The following WWOX variants were observed in gnomAD, a reference collection of about 807,000 sequenced individuals.
The protein encoded by WWOX is WW domain-containing oxidoreductase.
Under a neutral mutation model 46.2 loss-of-function variants are expected in WWOX, and 69 were observed. The observed-to-expected ratio is 1.49, with a 90% confidence interval of 1.23 to 1.82. WWOX has a LOEUF of 1.82. Among genes scored for constraint, WWOX ranks in the 40% most tolerant of loss-of-function variants. WWOX has a pLI of 0.00. For missense variants in WWOX, 919 were observed against 542.6 expected, an observed-to-expected ratio of 1.69 and a Z score of -6.89; for synonymous variants, 359 against 202.6, an observed-to-expected ratio of 1.77 and a Z score of -6.56.
At chr16:78,407,045 C>G (rs1241318749) in intron 6 of WWOX, among the ~76,000 whole-genome samples, 4 of 152,180 alleles carry the variant, frequency 2.6e-5, no homozygotes, top group Non-Finnish European at 5.9e-5. Flanking sequence ...TAGATTTGAC[C>G]TTACCTGGAC....
intron 8 of WWOX, among the ~76,000 whole-genome samples, chr16:78,577,315 A>AAT (rs2044909386): frequency 6.6e-6 from 1 of 152,164 alleles, no homozygotes; most frequent in South Asian, 2.1e-4. Flanking sequence ...GTGCAGGGCA[A>AAT]ATATATGTTT....
intron 8 of WWOX, among the ~76,000 whole-genome samples, chr16:79,145,028 A>G (rs2050159272): frequency 6.6e-6 from 1 of 152,158 alleles, no homozygotes; most frequent in Non-Finnish European, 1.5e-5. Flanking sequence ...AGCGGAGGCT[A>G]CTGTACATAA....
chr16:78,294,674 C>G (rs947828327), intron 5 of WWOX, among the ~76,000 whole-genome samples: 13 of 124,056 alleles, frequency 1.0e-4, no homozygotes, highest in African/African-American at 3.7e-4. Flanking sequence ...TAATGTGACT[C>G]CATGATGAGA....
At chr16:78,395,909 G>C (rs1258414797) in intron 6 of WWOX, among the ~76,000 whole-genome samples, 1 of 152,028 alleles carries the variant, frequency 6.6e-6, no homozygotes, top group East Asian at 1.9e-4. Flanking sequence ...TGTTCCTCTT[G>C]ATTTTAGGCA....
intron 5 of WWOX, among the ~76,000 whole-genome samples, chr16:78,291,072 CTT>C (rs1427183685): frequency 6.6e-6 from 1 of 152,114 alleles, no homozygotes; most frequent in Non-Finnish European, 1.5e-5. Flanking sequence ...ACACAGTGCA[CTT>C]TCTCTCTCTC....
rs1264567178 is a variant in WWOX, at chr16:78,800,748, C to G, written c.1056+367996C>G. 3.3e-5 allele frequency among the ~76,000 whole-genome samples: 5 copies of G among 152,160 alleles called. 1 individual carries two copies. The highest frequency in any genetic ancestry group is 1.9e-4 in the East Asian group (1 of 5,184). On this transcript the variant is annotated intron_variant, in intron 8 of 8. Coordinates refer to ENST00000566780, the MANE Select transcript of WWOX (RefSeq NM_016373.4). ...AATTGTCTAAAATCCCAAATGCATTCTTAGCTAAGGTCAGTGTGTCTGGGT... is the reference window on the plus strand; with the variant it reads ...AATTGTCTAAAATCCCAAATGCATTGTTAGCTAAGGTCAGTGTGTCTGGGT...
At chr16:78,439,649 T>G (rs1034230271) in intron 8 of WWOX, among the ~76,000 whole-genome samples, 3 of 152,210 alleles carry the variant, frequency 2.0e-5, no homozygotes, top group Non-Finnish European at 2.9e-5. Context: ...CATTTGACAT[T>G]TCTGAGGTTA....
chr16:79,067,521 C>T (rs989583902), intron 8 of WWOX, among the ~76,000 whole-genome samples: 1 of 151,430 alleles, frequency 6.6e-6, no homozygotes, highest in Non-Finnish European at 1.5e-5. Flanking sequence ...TCTGCCCGGA[C>T]ATCTCCTCAC....
At chr16:78,651,344 T>C (rs192335969) in intron 8 of WWOX, among the ~76,000 whole-genome samples, 52 of 152,340 alleles carry the variant, frequency 3.4e-4, no homozygotes, top group African/African-American at 9.1e-4. Context: ...AGAAAAGATA[T>C]AACGATTGAA....
intron 4 of WWOX, among the ~76,000 whole-genome samples, chr16:78,163,319 T>A (rs889534127): frequency 2.6e-5 from 4 of 152,180 alleles, no homozygotes; most frequent in Admixed American, 6.5e-5. Flanking sequence ...TGAAGCTGAG[T>A]TTCCACTCTT....
rs577241670 is a variant in WWOX, at chr16:78,187,173, A to C, written c.516+22884A>C. Among the ~76,000 whole-genome samples the C allele has an allele frequency of 2.0e-5, 3 of 152,322 alleles. No individual in the cohort carries two copies. In the South Asian group the frequency reaches 6.2e-4, roughly 32 times the overall value. ...CAGGTTAACTGAGGGTAATTGTCTTAGGCAAGTTAGTACCAAATGATGCTC... is the reference window on the plus strand; with the variant it reads ...CAGGTTAACTGAGGGTAATTGTCTTCGGCAAGTTAGTACCAAATGATGCTC... On this transcript the variant is annotated intron_variant, in intron 5 of 8. Coordinates refer to ENST00000566780, the MANE Select transcript of WWOX (RefSeq NM_016373.4).
intron 8 of WWOX, among the ~76,000 whole-genome samples, chr16:79,176,751 G>A (rs1057023739): frequency 6.6e-6 from 1 of 152,116 alleles, no homozygotes; most frequent in Admixed American, 6.6e-5. Context: ...ATGTTCAGCT[G>A]TATTTTCTCA....
At chr16:79,170,236 A>G (rs1336630040) in intron 8 of WWOX, among the ~76,000 whole-genome samples, 4 of 152,216 alleles carry the variant, frequency 2.6e-5, no homozygotes, top group Admixed American at 2.6e-4. Flanking sequence ...TACAAACATC[A>G]TCTCATTTAA....
intron 8 of WWOX, among the ~76,000 whole-genome samples, chr16:78,882,908 G>C (rs960588228): frequency 6.6e-6 from 1 of 152,002 alleles, no homozygotes; most frequent in African/African-American, 2.4e-5. Flanking sequence ...AACTGGAACA[G>C]AGCATAGCCT....
chr16:78,299,689 G>T (rs1410756172), intron 5 of WWOX, among the ~76,000 whole-genome samples: 1 of 151,710 alleles, frequency 6.6e-6, no homozygotes, highest in African/African-American at 2.4e-5. Context: ...CACCATGCCC[G>T]CCTAATTTTT....
intron 8 of WWOX, among the ~76,000 whole-genome samples, chr16:79,099,505 A>G (rs775451225): frequency 1.3e-5 from 2 of 152,032 alleles, no homozygotes; most frequent in Non-Finnish European, 2.9e-5. Flanking sequence ...AGGATACACA[A>G]CTATGCTGGC....
chr16:78,491,744 C>A (rs2084790214), intron 8 of WWOX, among the ~76,000 whole-genome samples: 1 of 152,172 alleles, frequency 6.6e-6, no homozygotes, highest in Non-Finnish European at 1.5e-5. Context: ...TATTTGTAAG[C>A]TGGGAGATGG....
chr16:78,126,124 C>A (rs116325783), intron 4 of WWOX, among the ~76,000 whole-genome samples: 1 of 152,060 alleles, frequency 6.6e-6, no homozygotes, highest in Non-Finnish European at 1.5e-5. Context: ...GCATAGTATT[C>A]CATTATGTGG....
intron 8 of WWOX, among the ~76,000 whole-genome samples, chr16:78,694,441 C>T: frequency 6.6e-6 from 1 of 152,164 alleles, no homozygotes; most frequent in East Asian, 1.9e-4. Flanking sequence ...CAGAAGCAGC[C>T]TCCACTGAGA....
Sources: gnomAD v4.1 joint callset for allele counts (sites outside exome capture counted in the v4.1 genomes callset) on GRCh38, gnomAD v4.1.1 for gene constraint, MANE v1.5 for transcripts, NCBI Gene and HGNC (gene_info 2026-07-23, HGNC 2026-07-21) for gene names.